The following CHD6 variants were observed in gnomAD, a reference collection of about 807,000 sequenced individuals.
CHD6 encodes ATP-dependent chromatin remodeler CHD6.
CHD6 carries 50 observed loss-of-function variants against 276.9 expected under a neutral mutation model. That is an observed-to-expected ratio of 0.18 (90% CI 0.14 to 0.23). The LOEUF is 0.23. CHD6 is among the 10% of genes least tolerant of loss of function. The pLI is 1.00. For missense variants in CHD6, 2,564 were observed against 3,365.8 expected, an observed-to-expected ratio of 0.76 and a Z score of 5.89; for synonymous variants, 1,173 against 1,229.3, an observed-to-expected ratio of 0.95 and a Z score of 0.96.
At chr20:41,562,464 G>C (rs920125777) in intron 1 of CHD6, among the ~76,000 whole-genome samples, 7 of 151,448 alleles carry the variant, frequency 4.6e-5, no homozygotes, top group African/African-American at 1.5e-4. Context: ...CCTTAAAGGT[G>C]CCAGAGCACC....
intron 17 of CHD6, among the ~76,000 whole-genome samples, chr20:41,468,933 G>T (rs1337665708): frequency 6.6e-6 from 1 of 152,096 alleles, no homozygotes; most frequent in African/African-American, 2.4e-5. Context: ...TGGAGGCTGC[G>T]GTGAACTGAC....
rs572414496 is a variant in CHD6, at chr20:41,517,167, C to T, written c.555-2215G>A. On this transcript the variant is annotated intron_variant, in intron 3 of 36. Coordinates refer to ENST00000373233, the MANE Select transcript of CHD6 (RefSeq NM_032221.5). ...GTTCATGATGAAAGCTATTTGCAAA[C>T]TAACACAGGAACAGAAAACCAAATA... Among the ~76,000 whole-genome samples, 7 of 152,274 alleles carry T rather than the reference C, an allele frequency of 4.6e-5. No individual in the cohort carries two copies. The South Asian group carries it at 1.2e-3, about 27-fold the overall frequency.
At chr20:41,575,910 T>C (rs531455413) in intron 1 of CHD6, among the ~76,000 whole-genome samples, 1 of 152,166 alleles carries the variant, frequency 6.6e-6, no homozygotes, top group African/African-American at 2.4e-5. Context: ...TAAAATCCCA[T>C]AATTCTATGA....
Position 41,402,821 on chromosome 20 carries a change from C to T in CHD6, c.*1772G>A, listed in dbSNP as rs1213288765. The T allele has an allele frequency of 9.5e-6, 2 of 209,668 alleles. No homozygotes were observed. Among genetic ancestry groups the T allele is most frequent in the African/African-American group, 4.5e-5 (2 of 44,032 alleles). The allele number at this position is 209,668 out of a possible 1,614,324, so 13.0% of individuals were successfully genotyped here. A position where few individuals can be genotyped will look rare whatever the true frequency, so the allele number is the denominator to read the frequency against. On this transcript the variant is annotated 3_prime_UTR_variant, in exon 37 of 37. Transcript: ENST00000373233. The stretch of plus-strand genomic sequence containing the variant: ...AATGTTAGTTAAATAGAGAGAGCAG[C>T]ATTTCTAAGAAATCTGTGGTCAGCA...
intron 8 of CHD6, among the ~76,000 whole-genome samples, chr20:41,495,975 C>T (rs530800860): frequency 1.3e-5 from 2 of 152,282 alleles, no homozygotes; most frequent in Non-Finnish European, 2.9e-5. Context: ...TTGTGCAGTC[C>T]GCTCTCCACC....
intron 27 of CHD6, among the ~76,000 whole-genome samples, chr20:41,433,793 G>C (rs954229548): frequency 1.3e-5 from 2 of 152,128 alleles, no homozygotes; most frequent in Non-Finnish European, 2.9e-5. Flanking sequence ...AAATGGTTAA[G>C]ACAACTATAT....
At chr20:41,466,259 G>C (rs904851119) in intron 17 of CHD6, among the ~76,000 whole-genome samples, 1 of 152,116 alleles carries the variant, frequency 6.6e-6, no homozygotes, top group African/African-American at 2.4e-5. Context: ...TGGTAGGGAA[G>C]GGACAGACAA....
intron 1 of CHD6, among the ~76,000 whole-genome samples, chr20:41,559,226 G>A (rs1260724285): frequency 6.6e-6 from 1 of 151,982 alleles, no homozygotes; most frequent in East Asian, 1.9e-4. Flanking sequence ...TCTGGAATAG[G>A]ATTGAGCTCC....
intron 3 of CHD6, among the ~76,000 whole-genome samples, chr20:41,526,735 G>A (rs2044547550): frequency 6.6e-6 from 1 of 152,158 alleles, no homozygotes; most frequent in South Asian, 2.1e-4. Flanking sequence ...TCCTCTTTTT[G>A]CTTTTTCATT....
chr20:41,533,179 T>TGCTCCTTGGCCTTCTTCG lies in CHD6; in HGVS notation c.407_424dup (p.Pro136_Glu141dup), dbSNP rs745890274. The TGCTCCTTGGCCTTCTTCG allele has an allele frequency of 1.9e-6, 3 of 1,614,064 alleles. No homozygotes were observed. Among genetic ancestry groups the TGCTCCTTGGCCTTCTTCG allele is most frequent in the Non-Finnish European group, 2.5e-6 (3 of 1,180,030 alleles). ...CCCATCTTTTTGCTTCGGCTCCTTG[T>TGCTCCTTGGCCTTCTTCG]GCTCCTTGGCCTTCTTCGGCTCCTT... On this transcript the variant is annotated inframe_insertion, in exon 3 of 37. Transcript: ENST00000373233.
chr20:41,469,049 G>C (rs925385032), intron 17 of CHD6, among the ~76,000 whole-genome samples: 5 of 152,128 alleles, frequency 3.3e-5, no homozygotes, highest in African/African-American at 9.7e-5. Flanking sequence ...TGGCAGCAGA[G>C]GAAGAGGCAC....
intron 1 of CHD6, among the ~76,000 whole-genome samples, chr20:41,596,245 CTT>C (rs2045716612): frequency 6.6e-6 from 1 of 152,178 alleles, no homozygotes; most frequent in Non-Finnish European, 1.5e-5. Context: ...TGCCCCAACC[CTT>C]TTTCCCTTAA....
chr20:41,547,970 T>C (rs1279400575), intron 2 of CHD6: 3 of 268,220 alleles, frequency 1.1e-5, no homozygotes, highest in African/African-American at 6.7e-5. Context: ...TTGACAAGGC[T>C]GAACTTACCC....
chr20:41,585,364 G>A (rs996766141), intron 1 of CHD6, among the ~76,000 whole-genome samples: 2 of 152,062 alleles, frequency 1.3e-5, no homozygotes, highest in Non-Finnish European at 2.9e-5. Context: ...AGCCAGGCGT[G>A]GGGAGCATTC....
intron 31 of CHD6, among the ~76,000 whole-genome samples, chr20:41,418,722 G>C (rs1009663813): frequency 2.6e-5 from 4 of 152,110 alleles, no homozygotes; most frequent in African/African-American, 9.7e-5. Context: ...AGTCTCGAAA[G>C]CAGGGCTAAT....
intron 1 of CHD6, among the ~76,000 whole-genome samples, chr20:41,554,418 T>C (rs1236213329): frequency 6.6e-6 from 1 of 151,844 alleles, no homozygotes; most frequent in African/African-American, 2.4e-5. Context: ...TTATTGATCA[T>C]TCTTGGGTGT....
Position 41,423,598 on chromosome 20 carries a change from G to T in CHD6, c.4449C>A (p.Ile1483=), listed in dbSNP as rs1183661849. The change falls in exon 30 of 37, where the codon ATC becomes ATA. Residue 1483 remains isoleucine, a synonymous_variant. Coordinates refer to ENST00000373233, the MANE Select transcript of CHD6 (RefSeq NM_032221.5). ...KKTFDWTQFR[I]ISRLDKKSDE... ...CCGACTTCTTGTCCAAACGGGAAATGATGCGGAACTGTGTCCAGTCAAAGG... is the reference window on the plus strand; with the variant it reads ...CCGACTTCTTGTCCAAACGGGAAATTATGCGGAACTGTGTCCAGTCAAAGG... The T allele has an allele frequency of 6.2e-7, 1 of 1,614,074 alleles. No homozygotes were observed. Among genetic ancestry groups the T allele is most frequent in the Admixed American group, 1.7e-5 (1 of 60,010 alleles).
Position 41,491,623 on chromosome 20 carries a change from C to A in CHD6, c.1436+75G>T, listed in dbSNP as rs529283848. ...GCTCCCTCTCACCAGTCTGCTACTG[C>A]GACTCTAGGTGTTCCAGGCTAAGGC... On this transcript the variant is annotated intron_variant, in intron 11 of 36. Transcript: ENST00000373233. 2.7e-5 allele frequency: 42 copies of A among 1,570,538 alleles called. No homozygotes were observed. The East Asian group carries it at 7.0e-4, about 26-fold the overall frequency.
intron 7 of CHD6, 80 bp from the exon 8 acceptor site, chr20:41,497,581 G>T: frequency 1.1e-6 from 1 of 921,734 alleles, no homozygotes; most frequent in Non-Finnish European, 1.8e-6. Context: ...TAAACACGGT[G>T]ACCACCTAAC....
Sources: gnomAD v4.1 joint callset for allele counts (sites outside exome capture counted in the v4.1 genomes callset) on GRCh38, gnomAD v4.1.1 for gene constraint, MANE v1.5 for transcripts, NCBI Gene and HGNC (gene_info 2026-07-23, HGNC 2026-07-21) for gene names.